Variants in TTC31 observed in about 807,000 individuals in gnomAD.
TTC31 encodes the protein tetratricopeptide repeat domain 31, also known as tetratricopeptide repeat protein 31.
A neutral mutation model predicts 60.4 loss-of-function variants in TTC31; 59 were observed. The observed-to-expected ratio is 0.98, with a 90% confidence interval of 0.79 to 1.21. The LOEUF (loss-of-function observed/expected upper bound fraction) is 1.21, where lower values mean the gene tolerates loss of function less well. Among genes scored for constraint, TTC31 ranks in the 50% most tolerant of loss-of-function variants. The pLI is 0.00. For synonymous variants in TTC31, 225 were observed against 249.6 expected, an observed-to-expected ratio of 0.90 and a Z score of 0.93; for missense variants, 672 against 646.9, an observed-to-expected ratio of 1.04 and a Z score of -0.42.
chr2:74,483,850 T>TGGG (rs1241126112), intron 2 of TTC31: 2 of 202,896 alleles, frequency 9.9e-6, no homozygotes, highest in African/African-American at 4.9e-5. Context: ...GCGTGGTGGG[T>TGGG]GGGGGATCTC....
At position 74,490,393 on chromosome 2, in the gene TTC31, T is replaced by C; in HGVS notation, c.382T>C (p.Ser128Pro). 6.2e-7 allele frequency: 1 copy of C among 1,614,022 alleles called. No homozygotes were observed. Among genetic ancestry groups the C allele is most frequent in the Non-Finnish European group, 8.5e-7 (1 of 1,179,968 alleles). The change falls in exon 4 of 13, where the codon TCT (serine) becomes CCT (proline). Residue 128 changes from serine to proline, a missense_variant. Coordinates refer to ENST00000233623, the MANE Select transcript of TTC31 (RefSeq NM_022492.6). ...QESEPCPQSPSASATFPSVSD... is the reference protein window; with the variant it reads ...QESEPCPQSPPASATFPSVSD... ...GTCTGAGCCCTGCCCTCAAAGCCCC[T>C]CTGCCTCTGCCACCTTCCCCAGTGT...
Position 74,492,767 on chromosome 2 carries a change from T to G in TTC31, c.1263+20T>G. 1 of 1,611,450 alleles carries G rather than the reference T, an allele frequency of 6.2e-7. No homozygotes were observed. The highest frequency in any genetic ancestry group is 8.5e-7 in the Non-Finnish European group (1 of 1,178,052). On this transcript the variant is annotated intron_variant, in intron 12 of 12. Coordinates refer to ENST00000233623, the MANE Select transcript of TTC31 (RefSeq NM_022492.6). ...ACACTGGTAAGGGGGCCAGGCACAC[T>G]GTCATGCTGAGGCGGGTATCAGGGA...
chr2:74,489,983 G>A, intron 2 of TTC31, 42 bp from the exon 3 acceptor site: 1 of 1,416,914 alleles, frequency 7.1e-7, no homozygotes, highest in Non-Finnish European at 9.7e-7. Flanking sequence ...TCCAGGAACT[G>A]CCCCCAACAC....
intron 2 of TTC31, among the ~76,000 whole-genome samples, chr2:74,484,181 G>A (rs921756232): frequency 1.3e-5 from 2 of 151,462 alleles, no homozygotes; most frequent in Admixed American, 1.3e-4. Flanking sequence ...AGGTTGCAGT[G>A]AGCCAAGATC....
chr2:74,490,513 T>C (rs763697797), intron 4 of TTC31, 40 bp downstream of exon 4: 5 of 1,557,714 alleles, frequency 3.2e-6, no homozygotes, highest in Non-Finnish European at 4.4e-6. Flanking sequence ...CCCCCAGGGT[T>C]CTTTCAATCC....
At chr2:74,486,793 C>T (rs1354612881) in intron 2 of TTC31, among the ~76,000 whole-genome samples, 5 of 151,532 alleles carry the variant, frequency 3.3e-5, no homozygotes, top group African/African-American at 9.7e-5. Context: ...CTCTGGAGGC[C>T]GAGGCAGGAG....
rs1389118647 is a variant in TTC31, at chr2:74,490,115, C to T, written c.220C>T (p.Leu74=). The T allele has an allele frequency of 1.9e-6, 3 of 1,597,886 alleles. No individual in the cohort carries two copies. In the South Asian group the frequency reaches 3.4e-5, roughly 18 times the overall value. Residue 74 remains leucine (L), a synonymous_variant, in exon 3 of 13, where the codon CTG becomes TTG. Transcript: ENST00000233623. ...HVDGSSGRLQ[L]WHHDYLLGHL... ...GGATGGGAGCAGCGGGCGGCTGCAGCTGTGGCACCATGGTGGGGAGTGCAG... is the reference window on the plus strand; with the variant it reads ...GGATGGGAGCAGCGGGCGGCTGCAGTTGTGGCACCATGGTGGGGAGTGCAG...
rs754606055 is a variant in TTC31, at chr2:74,490,707, CAGAA to C, written c.517_520del (p.Lys173GlnfsTer85). ...GGTGGCTGAGGAGGAGCGCATGAAA[CAGAA>C]AGCAGAGAAAAAGCGACTCAAGAAG... On this transcript the variant is annotated frameshift_variant, in exon 5 of 13. Coordinates refer to ENST00000233623, the MANE Select transcript of TTC31 (RefSeq NM_022492.6). LOFTEE classifies it high-confidence loss of function. The C allele has an allele frequency of 1.2e-6, 2 of 1,610,594 alleles. No individual in the cohort carries two copies. The highest frequency in any genetic ancestry group is 1.1e-5 in the South Asian group (1 of 90,922).
At position 74,491,147 on chromosome 2, in the gene TTC31, G is replaced by T. The variant is rs368112249; in HGVS notation, c.566G>T (p.Arg189Leu). ...LKKKRQKERK[R>L]QERLEQYCGE... ...TTGCAGCGTCAAAAGGAACGGAAGC[G>T]ACAGGAGCGTTTGGAGCAGTACTGT... Residue 189 changes from arginine to leucine, a missense_variant, in exon 6 of 13, where the codon CGA (arginine) becomes CTA (leucine). Transcript: ENST00000233623. The T allele has an allele frequency of 3.7e-6, 6 of 1,614,230 alleles. No individual in the cohort carries two copies. The highest frequency in any genetic ancestry group is 5.1e-6 in the Non-Finnish European group (6 of 1,180,044).
Position 74,490,667 on chromosome 2 carries a change from C to T in TTC31, c.474C>T (p.Arg158=), listed in dbSNP as rs775286059. 2 of 1,613,866 alleles carry T rather than the reference C, an allele frequency of 1.2e-6. No homozygotes were observed. The highest frequency in any genetic ancestry group is 1.3e-5 in the African/African-American group (1 of 74,998). The change falls in exon 5 of 13, where the codon CGC becomes CGT. Residue 158 remains arginine (R), a synonymous_variant. Coordinates refer to ENST00000233623, the MANE Select transcript of TTC31 (RefSeq NM_022492.6). ...CCTTCGTCCTTCAGGAAGCCAATCG[C>T]CTGGCTGAGGAGCTGGTGGCTGAGG... ...KLLVTEEEAN[R]LAEELVAEEE... is the part of the protein sequence containing the mutation.
chr2:74,491,213 A>T, intron 6 of TTC31, 29 bp downstream of exon 6: 1 of 1,614,174 alleles, frequency 6.2e-7, no homozygotes, highest in African/African-American at 1.3e-5. Flanking sequence ...TACTAAGAGC[A>T]CCAAGTGCCA....
intron 2 of TTC31, among the ~76,000 whole-genome samples, chr2:74,484,006 G>T (rs1199356161): frequency 6.6e-6 from 1 of 150,498 alleles, no homozygotes; most frequent in Non-Finnish European, 1.5e-5. Flanking sequence ...GAGGCCTAGG[G>T]GGGCGGATCA....
At chr2:74,488,451 C>T (rs1282218868) in intron 2 of TTC31, among the ~76,000 whole-genome samples, 2 of 152,108 alleles carry the variant, frequency 1.3e-5, no homozygotes, top group Non-Finnish European at 2.9e-5. Context: ...CCTGATTAGG[C>T]AAATAGGAAT....
At chr2:74,483,591 A>G (rs750640111) in intron 2 of TTC31, 181 bp downstream of exon 2, 1 of 1,467,784 alleles carries the variant, frequency 6.8e-7, no homozygotes, top group Non-Finnish European at 9.0e-7. Flanking sequence ...GATCAGGAGG[A>G]TGATCCTGAT....
chr2:74,494,559 AC>A (rs1401922254), downstream of TTC31: 4 of 152,236 alleles, frequency 2.6e-5, no homozygotes, highest in Non-Finnish European at 5.9e-5. Flanking sequence ...TTTGTCTGCA[AC>A]TGTCCTACAT....
At chr2:74,488,577 G>T (rs1208999652) in intron 2 of TTC31, among the ~76,000 whole-genome samples, 3 of 152,200 alleles carry the variant, frequency 2.0e-5, no homozygotes, top group African/African-American at 7.2e-5. Flanking sequence ...ATGAGGGAGA[G>T]GTCCAAAGAA....
rs1170433772 is a variant in TTC31, at chr2:74,492,224, C to T, written c.1014C>T (p.Asp338=). The T allele has an allele frequency of 8.7e-6, 14 of 1,614,240 alleles. No individual in the cohort carries two copies. The highest frequency in any genetic ancestry group is 1.2e-5 in the Non-Finnish European group (14 of 1,180,040). The change falls in exon 10 of 13, where the codon GAC becomes GAT. Residue 338 remains aspartate (D), a synonymous_variant. Coordinates refer to ENST00000233623, the MANE Select transcript of TTC31 (RefSeq NM_022492.6). The part of the protein sequence containing the change: ...FTQALKLNPQ[D]HRLFGNRSFC... Reference sequence around the variant, plus strand: ...AGGCCTTGAAGCTCAACCCCCAGGACCACCGGTAGGTGGGGGCTTGGCCAG... The same window carrying T: ...AGGCCTTGAAGCTCAACCCCCAGGATCACCGGTAGGTGGGGGCTTGGCCAG...
intron 2 of TTC31, among the ~76,000 whole-genome samples, chr2:74,484,815 C>A (rs1672896395): frequency 6.6e-6 from 1 of 152,024 alleles, no homozygotes; most frequent in African/African-American, 2.4e-5. Context: ...AGGCGCTATA[C>A]TCCCTAGAAT....
At position 74,493,031 on chromosome 2, in the gene TTC31, G is replaced by C; in HGVS notation, c.1373G>C (p.Arg458Pro). The stretch of plus-strand genomic sequence containing the variant: ...GGCCTACCTTCCCTCAGGTGCCCTC[G>C]AAGCACTGCTTTGAGGTCCCCTGGC... ...PSGLPSLRCPRSTALRSPGLS... is the reference protein window; with the variant it reads ...PSGLPSLRCPPSTALRSPGLS... Residue 458 changes from arginine to proline, a missense_variant, in exon 13 of 13, where the codon CGA becomes CCA. Physicochemically the swap from Arg to Pro is moderately radical, Grantham distance 103 (BLOSUM62 -2). Coordinates refer to ENST00000233623, the MANE Select transcript of TTC31 (RefSeq NM_022492.6). 6.2e-7 allele frequency: 1 copy of C among 1,614,106 alleles called. No individual in the cohort carries two copies. Among genetic ancestry groups the C allele is most frequent in the South Asian group, 1.1e-5 (1 of 91,084 alleles).
Sources: gnomAD v4.1 joint callset for allele counts (sites outside exome capture counted in the v4.1 genomes callset) on GRCh38, gnomAD v4.1.1 for gene constraint, MANE v1.5 for transcripts, NCBI Gene and HGNC (gene_info 2026-07-23, HGNC 2026-07-21) for gene names.